The following PLAT variants were observed in gnomAD, a reference collection of about 807,000 sequenced individuals.
PLAT encodes the protein tissue-type plasminogen activator.
In PLAT, 48 loss-of-function variants were observed where a neutral mutation model predicts 74.9. That is an observed-to-expected ratio of 0.64 (90% confidence interval 0.51 to 0.82). PLAT has a LOEUF of 0.82. Among genes scored for constraint, PLAT ranks in the 40% least tolerant of loss-of-function variants. PLAT has a pLI of 0.00. For missense variants in PLAT, 673 were observed against 736.2 expected (o/e 0.91, Z 0.99); for synonymous variants, 307 against 294.4 (o/e 1.04, Z -0.44).
At position 42,193,932 on chromosome 8, in the gene PLAT, T is replaced by G. The variant is rs1423690855; in HGVS notation, c.-26-721A>C. 6.6e-5 allele frequency among the ~76,000 whole-genome samples: 10 copies of G among 151,998 alleles called. No homozygotes were observed. The East Asian group carries it at 1.9e-3, about 30-fold the overall frequency. Reference sequence around the variant, plus strand: ...GGTTTCACCGTGTTAGCCAGGATGGTCTCGATCTCCTGACCTCGTGATCCG... The same window carrying G: ...GGTTTCACCGTGTTAGCCAGGATGGGCTCGATCTCCTGACCTCGTGATCCG... On this transcript the variant is annotated intron_variant, in intron 1 of 13. Coordinates refer to ENST00000220809, the MANE Select transcript of PLAT (RefSeq NM_000930.5).
chr8:42,203,539 T>G (rs1324010988), intron 1 of PLAT, among the ~76,000 whole-genome samples: 1 of 152,244 alleles, frequency 6.6e-6, no homozygotes, highest in Non-Finnish European at 1.5e-5. Flanking sequence ...ACCTGTTTCA[T>G]CTTCACTCTG....
intron 2 of PLAT, among the ~76,000 whole-genome samples, chr8:42,192,110 C>A (rs1401149126): frequency 6.6e-6 from 1 of 150,710 alleles, no homozygotes; most frequent in Admixed American, 6.6e-5. Flanking sequence ...CTTAAGCGAT[C>A]CTCCCGCCTC....
chr8:42,191,319 C>T, intron 3 of PLAT, 53 bp downstream of exon 3: 1 of 1,515,246 alleles, frequency 6.6e-7, no homozygotes, highest in South Asian at 1.1e-5. Context: ...CACCCTGCAC[C>T]CCGCCCTGCC....
chr8:42,197,843 G>T (rs978657790), intron 1 of PLAT, among the ~76,000 whole-genome samples: 7 of 152,164 alleles, frequency 4.6e-5, no homozygotes, highest in Middle Eastern at 3.2e-3. Context: ...CTTCCAAAAA[G>T]CATCTATATT....
intron 1 of PLAT, among the ~76,000 whole-genome samples, chr8:42,202,630 G>T (rs1471581768): frequency 6.6e-6 from 1 of 151,762 alleles, no homozygotes; most frequent in Non-Finnish European, 1.5e-5. Flanking sequence ...CCTGGCACAG[G>T]CTCTGGTGAT....
At chr8:42,202,293 C>G (rs946035015) in intron 1 of PLAT, among the ~76,000 whole-genome samples, 1 of 152,066 alleles carries the variant, frequency 6.6e-6, no homozygotes, top group Non-Finnish European at 1.5e-5. Context: ...CCTCGGGCTC[C>G]CAAAGTGCTG....
rs570222462 is a variant in PLAT at position 42,184,906 on chromosome 8, C to G, written c.631+175G>C. The G allele has an allele frequency of 2.9e-5, 14 of 479,284 alleles. No individual in the cohort carries two copies. In the East Asian group the frequency reaches 4.7e-4, roughly 16 times the overall value. The allele number at this position is 479,284 out of a possible 1,614,324, so 29.7% of individuals were successfully genotyped here. ...GCTCCAGGTCAGACAAATAGCCAGTCAGAGGCCAAGCCCAGGCACAGACCT... is the reference window on the plus strand; with the variant it reads ...GCTCCAGGTCAGACAAATAGCCAGTGAGAGGCCAAGCCCAGGCACAGACCT... On this transcript the variant is annotated intron_variant, in intron 7 of 13. Coordinates refer to ENST00000220809, the MANE Select transcript of PLAT (RefSeq NM_000930.5).
At chr8:42,196,347 G>A (rs545248909) in intron 1 of PLAT, among the ~76,000 whole-genome samples, 15 of 152,252 alleles carry the variant, frequency 9.9e-5, no homozygotes, top group African/African-American at 2.6e-4. Context: ...ACCTTCCTGC[G>A]CCTTGAGCTG....
At chr8:42,180,220 G>A in intron 11 of PLAT, 22 bp downstream of exon 11, 5 of 1,613,828 alleles carry the variant, frequency 3.1e-6, no homozygotes, top group Non-Finnish European at 4.2e-6. Context: ...ATGAACTGGA[G>A]CCGGGAATGA....
At chr8:42,204,624 A>C (rs754212439) in intron 1 of PLAT, among the ~76,000 whole-genome samples, 1 of 151,916 alleles carries the variant, frequency 6.6e-6, no homozygotes, top group Non-Finnish European at 1.5e-5. Flanking sequence ...CTGAGGCAGG[A>C]AAATCGCTTG....
Position 42,187,450 on chromosome 8 carries a change from C to T in PLAT, c.487G>A (p.Gly163Arg), listed in dbSNP as rs1020857645. 14 of 1,604,542 alleles carry T rather than the reference C, an allele frequency of 8.7e-6. No individual in the cohort carries two copies. The highest frequency in any genetic ancestry group is 1.7e-5 in the Admixed American group (1 of 59,952). Residue 163 changes from glycine to arginine, a missense_variant, in exon 6 of 14, where the codon GGG (glycine) becomes AGG (arginine). Coordinates refer to ENST00000220809, the MANE Select transcript of PLAT (RefSeq NM_000930.5). ...SSALAQKPYS[G>R]RRPDAIRLGL... ...AGCCTGATGGCGTCTGGCCTCCGCC[C>T]GCTGTAGGGCTTCTGGGCCAACGCG...
At position 42,180,510 on chromosome 8, in the gene PLAT, G is replaced by A. The variant is rs780840651; in HGVS notation, c.1065C>T (p.Ala355=). The A allele has an allele frequency of 6.2e-7, 1 of 1,614,082 alleles. No individual in the cohort carries two copies. The highest frequency in any genetic ancestry group is 2.2e-5 in the East Asian group (1 of 44,880). Residue 355 remains alanine, a synonymous_variant, in exon 10 of 14, where the codon GCC becomes GCT. Transcript: ENST00000220809. ...CCTACCTCTCCTGGAAGCAGTGGGC[G>A]GCAGAGAGAATCCAGCAGGAGCTGA... The part of the protein sequence containing the change: ...ILISSCWILS[A]AHCFQERFPP...
Position 42,176,008 on chromosome 8 carries a change from G to A in PLAT, c.1674C>T (p.Asp558=). The A allele has an allele frequency of 6.2e-7, 1 of 1,614,142 alleles. No homozygotes were observed. The highest frequency in any genetic ancestry group is 1.1e-5 in the South Asian group (1 of 91,072). ...KVTNYLDWIR[D]NMRP is the part of the protein sequence containing the mutation. ...GTGTTCCTGGTCACGGTCGCATGTTGTCACGAATCCAGTCTAGGTAGTTGG... is the reference window on the plus strand; with the variant it reads ...GTGTTCCTGGTCACGGTCGCATGTTATCACGAATCCAGTCTAGGTAGTTGG... Residue 558 remains aspartate (D), a synonymous_variant, in exon 14 of 14, where the codon GAC becomes GAT. Coordinates refer to ENST00000220809, the MANE Select transcript of PLAT (RefSeq NM_000930.5).
chr8:42,202,121 G>A (rs1806153409), intron 1 of PLAT, among the ~76,000 whole-genome samples: 1 of 152,116 alleles, frequency 6.6e-6, no homozygotes, highest in Admixed American at 6.5e-5. Flanking sequence ...CCTGGCTCAA[G>A]TGATCCTCTC....
At chr8:42,187,024 A>ATCTG (rs150481148) in intron 6 of PLAT, 2 of 53,396 alleles carry the variant, frequency 3.7e-5, no homozygotes, top group African/African-American at 1.5e-4. Context: ...ACCACCTATC[A>ATCTG]TCTATCATCT....
intron 1 of PLAT, among the ~76,000 whole-genome samples, chr8:42,199,698 C>T (rs1806053593): frequency 6.6e-6 from 1 of 152,164 alleles, no homozygotes; most frequent in Non-Finnish European, 1.5e-5. Flanking sequence ...CCCGCCTCCT[C>T]CCACAATCAA....
intron 1 of PLAT, among the ~76,000 whole-genome samples, chr8:42,206,100 G>A (rs909648472): frequency 6.6e-6 from 1 of 152,206 alleles, no homozygotes; most frequent in East Asian, 1.9e-4. Context: ...GACACTGGGA[G>A]AATCCGACGC....
chr8:42,198,670 G>C (rs1806012110), intron 1 of PLAT, among the ~76,000 whole-genome samples: 1 of 152,218 alleles, frequency 6.6e-6, no homozygotes, highest in Non-Finnish European at 1.5e-5. Context: ...AATTGCAAGG[G>C]AAAGACAAAC....
intron 1 of PLAT, among the ~76,000 whole-genome samples, chr8:42,207,105 T>C (rs1286565743): frequency 6.6e-6 from 1 of 152,240 alleles, no homozygotes; most frequent in African/African-American, 2.4e-5. Flanking sequence ...CCCTCCCAGC[T>C]GTCACAGGCA....
Sources: gnomAD v4.1 joint callset for allele counts (sites outside exome capture counted in the v4.1 genomes callset) on GRCh38, gnomAD v4.1.1 for gene constraint, MANE v1.5 for transcripts, NCBI Gene and HGNC (gene_info 2026-07-23, HGNC 2026-07-21) for gene names.